Variants in LRRIQ1 observed in about 807,000 individuals in gnomAD.
The protein encoded by LRRIQ1 is leucine-rich repeat- and IQ domain-containing protein 1.
LRRIQ1 carries 210 observed loss-of-function variants against 211.9 expected under a neutral mutation model. That is an observed-to-expected ratio of 0.99 (90% confidence interval 0.89 to 1.11). The LOEUF (loss-of-function observed/expected upper bound fraction) is 1.11. Ranked by LOEUF, LRRIQ1 falls within the 50% of genes most tolerant of loss-of-function variation. The pLI is 0.00. For missense variants in LRRIQ1, 2,136 were observed against 1,939.5 expected, an observed-to-expected ratio of 1.10 and a Z score of -1.90; for synonymous variants, 699 against 650.1, an observed-to-expected ratio of 1.08 and a Z score of -1.14.
intron 18 of LRRIQ1, among the ~76,000 whole-genome samples, chr12:85,130,931 C>T (rs537339393): frequency 2.7e-4 from 41 of 151,890 alleles, no homozygotes; most frequent in Non-Finnish European, 4.4e-4. Flanking sequence ...AATGATAGGC[C>T]GGGCGCAGTG....
At chr12:85,215,421 G>A (rs1405426343) in intron 24 of LRRIQ1, among the ~76,000 whole-genome samples, 2 of 152,098 alleles carry the variant, frequency 1.3e-5, no homozygotes, top group African/African-American at 4.8e-5. Context: ...TGTCGTGGGG[G>A]TTTGTTGTAC....
intron 24 of LRRIQ1, among the ~76,000 whole-genome samples, chr12:85,171,786 C>T (rs550888809): frequency 6.6e-6 from 1 of 152,186 alleles, no homozygotes; most frequent in African/African-American, 2.4e-5. Context: ...CAGAGGCAAG[C>T]ACATATGAAG....
chr12:85,140,370 G>C (rs774978060), intron 19 of LRRIQ1, among the ~76,000 whole-genome samples: 2 of 146,110 alleles, frequency 1.4e-5, no homozygotes, highest in Non-Finnish European at 3.0e-5. Flanking sequence ...TTTGTTCGTA[G>C]TGGTCTTGTA....
At chr12:85,061,276 G>A (rs1246011154) in intron 8 of LRRIQ1, among the ~76,000 whole-genome samples, 3 of 151,646 alleles carry the variant, frequency 2.0e-5, no homozygotes, top group Non-Finnish European at 4.4e-5. Flanking sequence ...GTGGTTTTAT[G>A]TATGTGGCTC....
rs1881178564 is a variant in LRRIQ1, at chr12:85,056,965, C to G, written c.2172C>G (p.Ser724Arg). The G allele has an allele frequency of 1.9e-6, 3 of 1,611,658 alleles. No homozygotes were observed. Among genetic ancestry groups the G allele is most frequent in the Non-Finnish European group, 2.5e-6 (3 of 1,178,946 alleles). ...ATGAAAATGCACCTGAACCTGATAG[C>G]ATGACCTGCTGTGTATCAGAGTCAA... Reference protein sequence around the residue: ...KCHENAPEPDSMTCCVSESTL... With the variant: ...KCHENAPEPDRMTCCVSESTL... The change falls in exon 8 of 27, where the codon AGC becomes AGG. Residue 724 changes from serine to arginine, a missense_variant. Coordinates refer to ENST00000393217, the MANE Select transcript of LRRIQ1 (RefSeq NM_001079910.2).
At chr12:85,262,862 T>C (rs1016665955) in intron 1 of LRRIQ1, 26 of 844,442 alleles carry the variant, frequency 3.1e-5, no homozygotes, top group Non-Finnish European at 3.4e-5. Context: ...CTTTAAAATA[T>C]AATGTATTTG....
chr12:85,121,680 T>G lies in LRRIQ1; in HGVS notation c.3378-17T>G, dbSNP rs1887995322. On this transcript the variant is annotated splice_polypyrimidine_tract_variant and intron_variant, in intron 15 of 26. Coordinates refer to ENST00000393217, the MANE Select transcript of LRRIQ1 (RefSeq NM_001079910.2). ...TATCAAGATCAGGATTATTAACTTT[T>G]TTGTTGTTTTCAATAGGGATTCTCT... is the stretch of plus-strand genomic sequence containing the variant. 6.5e-7 allele frequency: 1 copy of G among 1,537,904 alleles called. No homozygotes were observed. Among genetic ancestry groups the G allele is most frequent in the East Asian group, 2.3e-5 (1 of 42,932 alleles).
chr12:85,155,773 T>C (rs1414542714), intron 23 of LRRIQ1, among the ~76,000 whole-genome samples: 1 of 151,738 alleles, frequency 6.6e-6, no homozygotes, highest in African/African-American at 2.4e-5. Context: ...TCCCATATGA[T>C]TCCGTCTCTG....
At position 85,038,149 on chromosome 12, in the gene LRRIQ1, G is replaced by A. The variant is rs780561594; in HGVS notation, c.-24-4G>A. The A allele has an allele frequency of 3.5e-6, 5 of 1,429,014 alleles. No individual in the cohort carries two copies. In the Admixed American group the frequency reaches 9.6e-5, roughly 27 times the overall value. The allele number at this position is 1,429,014 out of a possible 1,614,324, so 88.5% of individuals were successfully genotyped here. A position where few individuals can be genotyped will look rare whatever the true frequency, so the allele number is the denominator to read the frequency against. ...CATATTAGCCTCTTCATTTTTTAAA[G>A]CAGTTCTGTGCTTTATTATGAAGAA... On this transcript the variant is annotated splice_polypyrimidine_tract_variant and splice_region_variant and intron_variant, in intron 1 of 26. Coordinates refer to ENST00000393217, the MANE Select transcript of LRRIQ1 (RefSeq NM_001079910.2).
At chr12:85,182,636 T>C (rs1378543377) in intron 24 of LRRIQ1, among the ~76,000 whole-genome samples, 2 of 152,108 alleles carry the variant, frequency 1.3e-5, no homozygotes, top group African/African-American at 4.8e-5. Context: ...GCTCACACAA[T>C]AGAGGCCCGC....
Position 85,137,900 on chromosome 12 carries a change from G to A in LRRIQ1, c.4260G>A (p.Glu1420=), listed in dbSNP as rs778410513. 6.3e-7 allele frequency: 1 copy of A among 1,587,618 alleles called. No individual in the cohort carries two copies. The highest frequency in any genetic ancestry group is 2.2e-5 in the East Asian group (1 of 44,518). ...ILRKKLTTAL[E]AIKNEESDEE... Reference sequence around the variant, plus strand: ...GAAAGAAACTGACAACAGCTCTAGAGGCTATTAAGAATGAAGAATCCGATG... The same window carrying A: ...GAAAGAAACTGACAACAGCTCTAGAAGCTATTAAGAATGAAGAATCCGATG... Residue 1420 remains glutamate (E), a synonymous_variant, in exon 19 of 27, where the codon GAG becomes GAA. Transcript: ENST00000393217.
At chr12:85,182,444 C>T (rs774247655) in intron 24 of LRRIQ1, among the ~76,000 whole-genome samples, 1 of 152,144 alleles carries the variant, frequency 6.6e-6, no homozygotes, top group Non-Finnish European at 1.5e-5. Flanking sequence ...GAAAGCCCTA[C>T]AAACTGGGCT....
downstream of LRRIQ1, among the ~76,000 whole-genome samples, chr12:85,265,691 T>C (rs1014671212): frequency 1.3e-5 from 2 of 152,020 alleles, no homozygotes; most frequent in Admixed American, 1.3e-4. Flanking sequence ...GTAAAATTCA[T>C]ATCAGATTTC....
intron 15 of LRRIQ1, among the ~76,000 whole-genome samples, chr12:85,106,935 C>T (rs1053916499): frequency 4.6e-5 from 7 of 151,822 alleles, no homozygotes; most frequent in Non-Finnish European, 1.0e-4. Flanking sequence ...TGCTTTTTTG[C>T]CAATAATATA....
intron 11 of LRRIQ1, among the ~76,000 whole-genome samples, chr12:85,090,919 T>G (rs2136227757): frequency 6.6e-6 from 1 of 152,292 alleles, no homozygotes; most frequent in South Asian, 2.1e-4. Context: ...TGCCCGAGTC[T>G]CATGTTGAAT....
chr12:85,078,880 A>G (rs1019667655), intron 11 of LRRIQ1, among the ~76,000 whole-genome samples: 1 of 152,192 alleles, frequency 6.6e-6, no homozygotes, highest in East Asian at 1.9e-4. Flanking sequence ...ATTTCAAATA[A>G]TAAAACTTTT....
chr12:85,151,867 A>G (rs547926849), intron 19 of LRRIQ1, among the ~76,000 whole-genome samples: 4 of 151,808 alleles, frequency 2.6e-5, no homozygotes, highest in Non-Finnish European at 4.4e-5. Context: ...AAGCTGGTTT[A>G]TAGACTTTAT....
downstream of LRRIQ1, among the ~76,000 whole-genome samples, chr12:85,246,216 C>T (rs1895712318): frequency 1.3e-5 from 2 of 151,014 alleles, no homozygotes; most frequent in African/African-American, 2.4e-5. Flanking sequence ...AAATGTTGCC[C>T]TAGTCAATAT....
At chr12:85,115,900 A>T (rs993094142) in intron 15 of LRRIQ1, among the ~76,000 whole-genome samples, 4 of 152,132 alleles carry the variant, frequency 2.6e-5, no homozygotes, top group Non-Finnish European at 5.9e-5. Flanking sequence ...TTTATATTAG[A>T]TTATTGTGTT....
Sources: allele counts gnomAD v4.1 joint callset (sites outside exome capture counted in the v4.1 genomes callset), GRCh38; gene constraint gnomAD v4.1.1; transcripts MANE v1.5; gene names NCBI Gene and HGNC (gene_info 2026-07-23, HGNC 2026-07-21).